CALN1: variants seen among roughly 807,000 people sequenced by gnomAD.
The protein encoded by CALN1 is calcium-binding protein 8.
CALN1 carries 17 observed loss-of-function variants against 30.6 expected under a neutral mutation model. The observed-to-expected ratio is 0.56, with a 90% CI of 0.38 to 0.83. The LOEUF (loss-of-function observed/expected upper bound fraction) is 0.83. Among genes scored for constraint, CALN1 ranks in the 40% least tolerant of loss-of-function variants. CALN1 has a pLI of 0.00. For missense variants in CALN1, 291 were observed against 354.9 expected (o/e 0.82, Z 1.45); for synonymous variants, 156 against 131.4 (o/e 1.19, Z -1.28).
intron 3 of CALN1, among the ~76,000 whole-genome samples, chr7:72,190,871 GTCTT>G (rs1223908683): frequency 4.0e-5 from 6 of 151,634 alleles, no homozygotes; most frequent in African/African-American, 1.2e-4. Context: ...AAAAATGTGT[GTCTT>G]TATTTAAAGC....
the CALN1 span, among the ~76,000 whole-genome samples, chr7:72,488,643 C>A: frequency 3.3e-5 from 5 of 152,190 alleles, no homozygotes; most frequent in South Asian, 4.2e-4. Flanking sequence ...CTCCTGTTAC[C>A]CTGCCAGCTT....
intron 3 of CALN1, among the ~76,000 whole-genome samples, chr7:72,271,575 A>AAAAAAAAAAAAAAATATAT: frequency 5.8e-5 from 3 of 52,126 alleles, no homozygotes. Context: ...AAAAAAAAAA[A>AAAAAAAAAAAAAAATATAT]ATATATATAT....
chr7:71,851,502 GGTGAGGCCGT>G (rs911575500), intron 5 of CALN1, among the ~76,000 whole-genome samples: 7 of 151,612 alleles, frequency 4.6e-5, no homozygotes, highest in African/African-American at 1.7e-4. Flanking sequence ...CTAGGTAACA[GGTGAGGCCGT>G]GTCTCAAAAA....
intron 5 of CALN1, among the ~76,000 whole-genome samples, chr7:71,849,434 C>CAA (rs1554354245): frequency 1.2e-5 from 1 of 80,732 alleles, no homozygotes; most frequent in Non-Finnish European, 2.4e-5. Context: ...TTGGATCTTC[C>CAA]TATTTTTTTT....
intron 5 of CALN1, among the ~76,000 whole-genome samples, chr7:72,000,548 A>C (rs1799473290): frequency 6.6e-6 from 1 of 152,194 alleles, no homozygotes; most frequent in South Asian, 2.1e-4. Flanking sequence ...GAAAAAAAGA[A>C]AAAATCTCCA....
chr7:71,884,840 A>G (rs959317443), intron 5 of CALN1, among the ~76,000 whole-genome samples: 1 of 152,192 alleles, frequency 6.6e-6, no homozygotes, highest in Non-Finnish European at 1.5e-5. Flanking sequence ...ATCTGCATCT[A>G]TAATAATCTC....
At chr7:72,485,642 C>T in the CALN1 span, among the ~76,000 whole-genome samples, 124 of 152,178 alleles carry the variant, frequency 8.1e-4, no homozygotes, top group Non-Finnish European at 1.5e-3. Flanking sequence ...GAGGCCCAGG[C>T]GGCAGACCAC....
At chr7:71,959,518 T>C (rs1409445179) in intron 5 of CALN1, among the ~76,000 whole-genome samples, 1 of 152,136 alleles carries the variant, frequency 6.6e-6, no homozygotes, top group Non-Finnish European at 1.5e-5. Flanking sequence ...AGCATAGGGG[T>C]ATACCAGTTC....
rs1010635078 is a variant in CALN1, at chr7:71,978,262, C to CTTTTTTTTTTT, written c.501+45384_501+45394dup. Among the ~76,000 whole-genome samples the CTTTTTTTTTTT allele has an allele frequency of 3.0e-3, 218 of 72,934 alleles. 13 individuals are homozygous for CTTTTTTTTTTT. The highest frequency in any genetic ancestry group is 0.021 in the East Asian group (36 of 1,676). 47.8% of individuals were successfully genotyped at this position (72,934 alleles called of 152,430 possible). ...AAAAACTCAGGGACTCTAGAGAATT[C>CTTTTTTTTTTT]TTTTTTTTTTTTTTTTTTTTTTTTT... On this transcript the variant is annotated intron_variant, in intron 5 of 6. Coordinates refer to ENST00000395275, the MANE Select transcript of CALN1 (RefSeq NM_031468.4).
intron 1 of CALN1, among the ~76,000 whole-genome samples, chr7:72,405,090 A>G (rs1806609887): frequency 1.3e-5 from 2 of 152,146 alleles, no homozygotes; most frequent in South Asian, 4.2e-4. Flanking sequence ...GGATGGAGTT[A>G]AGCCCTCCAT....
intron 5 of CALN1, among the ~76,000 whole-genome samples, chr7:71,897,784 C>G (rs1793605198): frequency 6.6e-6 from 1 of 150,644 alleles, no homozygotes. Context: ...TATGAAGAGA[C>G]AACACATTAT....
chr7:71,820,393 A>C (rs1788519977), intron 5 of CALN1, among the ~76,000 whole-genome samples: 2 of 152,188 alleles, frequency 1.3e-5, no homozygotes, highest in South Asian at 4.1e-4. Context: ...TAGGCTGACC[A>C]CCTTGGGCAC....
intron 3 of CALN1, among the ~76,000 whole-genome samples, chr7:72,123,046 G>C (rs1447824904): frequency 6.6e-6 from 1 of 152,176 alleles, no homozygotes; most frequent in Non-Finnish European, 1.5e-5. Context: ...ATAGCCAAGA[G>C]AGAATTCAGA....
intron 5 of CALN1, among the ~76,000 whole-genome samples, chr7:71,814,261 G>A (rs1788132474): frequency 1.3e-5 from 2 of 152,174 alleles, no homozygotes; most frequent in African/African-American, 4.8e-5. Flanking sequence ...TGGTTGGCCT[G>A]ACCCTGGTCC....
chr7:72,434,554 GGGAAGAGGAAGA>G (rs903335076), intron 1 of CALN1, among the ~76,000 whole-genome samples: 4 of 150,156 alleles, frequency 2.7e-5, no homozygotes, highest in South Asian at 2.1e-4. Flanking sequence ...GGAGAAGGAG[GGGAAGAGGAAGA>G]GGAAGAGGAA....
chr7:71,891,859 G>T (rs1027355759), intron 5 of CALN1, among the ~76,000 whole-genome samples: 2 of 152,094 alleles, frequency 1.3e-5, no homozygotes, highest in Non-Finnish European at 2.9e-5. Context: ...CAGAAGAATC[G>T]CTTGAACCTG....
intron 6 of CALN1, among the ~76,000 whole-genome samples, chr7:71,800,179 T>A (rs971222331): frequency 2.6e-5 from 4 of 152,154 alleles, no homozygotes; most frequent in Non-Finnish European, 4.4e-5. Flanking sequence ...GCAGAATTCC[T>A]TCTGACCTTC....
At chr7:72,482,369 G>A in the CALN1 span, among the ~76,000 whole-genome samples, 1 of 152,010 alleles carries the variant, frequency 6.6e-6, no homozygotes, top group South Asian at 2.1e-4. Context: ...GTGTAGTTAC[G>A]ATATAATGAG....
intron 1 of CALN1, among the ~76,000 whole-genome samples, chr7:72,430,918 G>A (rs1322617754): frequency 6.6e-6 from 1 of 151,348 alleles, no homozygotes; most frequent in African/African-American, 2.4e-5. Context: ...CTCGCCCAGT[G>A]CTCACAGTGT....
Sources: allele counts gnomAD v4.1 joint callset (sites outside exome capture counted in the v4.1 genomes callset), GRCh38; gene constraint gnomAD v4.1.1; transcripts MANE v1.5; gene names NCBI Gene and HGNC (gene_info 2026-07-23, HGNC 2026-07-21).